MRC1: variants seen among roughly 807,000 people sequenced by gnomAD.
MRC1 encodes macrophage mannose receptor 1.
In MRC1, 62 loss-of-function variants were observed where a neutral mutation model predicts 102.9. The ratio of observed to expected loss-of-function variants is 0.60; its 90% confidence interval spans 0.49 to 0.74. MRC1 has a LOEUF of 0.74. Ranked by LOEUF, MRC1 falls within the 30% of genes least tolerant of loss-of-function variation. The probability of loss-of-function intolerance (pLI) is 0.00; values close to 1 mark genes in which losing one functional copy is unlikely to be tolerated. For missense variants in MRC1, 1,237 were observed against 862.8 expected (o/e 1.43, Z -5.43); for synonymous variants, 457 against 298.4 (o/e 1.53, Z -5.48).
rs1328547400 is a variant in MRC1, at chr10:17,827,642, G to A, written c.564G>A (p.Ser188=). ...WYADCTSAGR[S]DGWLWCGTTT... is the part of the protein sequence containing the mutation. ...CAGATTGCACGAGTGCTGGGCGGTCGGATGGATGGCTCTGGTGCGGAACCA... is the reference window on the plus strand; with the variant it reads ...CAGATTGCACGAGTGCTGGGCGGTCAGATGGATGGCTCTGGTGCGGAACCA... The change falls in exon 3 of 30, where the codon TCG becomes TCA. Residue 188 remains serine (S), a synonymous_variant. Coordinates refer to ENST00000569591, the MANE Select transcript of MRC1 (RefSeq NM_002438.4). 5.1e-5 allele frequency: 40 copies of A among 780,786 alleles called. No homozygotes were observed. The East Asian group carries it at 6.1e-4, about 12-fold the overall frequency. 48.4% of individuals were successfully genotyped at this position (780,786 alleles called of 1,614,324 possible).
At chr10:17,887,324 G>T (rs1833612279) in intron 22 of MRC1, among the ~76,000 whole-genome samples, 1 of 152,178 alleles carries the variant, frequency 6.6e-6, no homozygotes, top group East Asian at 1.9e-4. Context: ...CCCGGAGGCG[G>T]AGCTTGTAGT....
chr10:17,900,571 T>G (rs1273600801), intron 24 of MRC1, among the ~76,000 whole-genome samples: 2 of 152,192 alleles, frequency 1.3e-5, no homozygotes, highest in African/African-American at 4.8e-5. Context: ...AAGGATGTAT[T>G]CCTGGGGATC....
At chr10:17,831,997 C>T (rs1838581358) in intron 3 of MRC1, among the ~76,000 whole-genome samples, 1 of 151,620 alleles carries the variant, frequency 6.6e-6, no homozygotes, top group Admixed American at 6.5e-5. Flanking sequence ...TATTGCTAAG[C>T]GCTCCACCTG....
intron 21 of MRC1, among the ~76,000 whole-genome samples, chr10:17,882,504 C>G (rs1475510711): frequency 6.6e-6 from 1 of 152,078 alleles, no homozygotes; most frequent in Non-Finnish European, 1.5e-5. Context: ...TGTAAGCTCT[C>G]TTTTGGTTCA....
chr10:17,818,476 T>A (rs929642793), intron 1 of MRC1, among the ~76,000 whole-genome samples: 1 of 152,012 alleles, frequency 6.6e-6, no homozygotes, highest in Non-Finnish European at 1.5e-5. Flanking sequence ...ATATGGTAAA[T>A]AAAAGAATAA....
At chr10:17,840,833 T>A in intron 5 of MRC1, 27 bp downstream of exon 5, 1 of 780,798 alleles carries the variant, frequency 1.3e-6, no homozygotes, top group South Asian at 1.3e-5. Flanking sequence ...TTGTGTCGAA[T>A]TAATCCAAAT....
intron 4 of MRC1, among the ~76,000 whole-genome samples, chr10:17,838,497 C>A (rs1229090775): frequency 1.3e-5 from 2 of 151,526 alleles, no homozygotes; most frequent in African/African-American, 4.9e-5. Context: ...TGGCTTGTTT[C>A]CCCGATGGTT....
Position 17,870,372 on chromosome 10 carries a change from A to T in MRC1, c.2110A>T (p.Thr704Ser). 2 of 780,326 alleles carry T rather than the reference A, an allele frequency of 2.6e-6. No individual in the cohort carries two copies. Among genetic ancestry groups the T allele is most frequent in the Non-Finnish European group, 4.8e-6 (2 of 417,624 alleles). 48.3% of individuals were successfully genotyped at this position (780,326 alleles called of 1,614,324 possible). ...EEQQTIWRLITASGSYHKLFW... is the reference protein window; with the variant it reads ...EEQQTIWRLISASGSYHKLFW... ...ACAGCAAACAATATGGCGATTAATAACGTAAGTGGTATTTTTATGGATTCC... is the reference window on the plus strand; with the variant it reads ...ACAGCAAACAATATGGCGATTAATATCGTAAGTGGTATTTTTATGGATTCC... Residue 704 changes from threonine to serine, a missense_variant and splice_region_variant, in exon 13 of 30, where the codon ACA (threonine) becomes TCA (serine). Coordinates refer to ENST00000569591, the MANE Select transcript of MRC1 (RefSeq NM_002438.4).
At chr10:17,907,163 T>G (rs1833906214) in intron 27 of MRC1, among the ~76,000 whole-genome samples, 164 bp downstream of exon 27, 1 of 152,238 alleles carries the variant, frequency 6.6e-6, no homozygotes. Flanking sequence ...AAAATGAGTT[T>G]CATATCATGC....
chr10:17,824,168 GTTCT>G (rs1315364369), intron 2 of MRC1, among the ~76,000 whole-genome samples: 8 of 152,168 alleles, frequency 5.3e-5, no homozygotes, highest in African/African-American at 1.9e-4. Flanking sequence ...AGAGTATTTA[GTTCT>G]TTCTTATATT....
intron 5 of MRC1, among the ~76,000 whole-genome samples, chr10:17,844,547 G>T (rs1838797923): frequency 6.6e-6 from 1 of 152,114 alleles, no homozygotes; most frequent in Non-Finnish European, 1.5e-5. Flanking sequence ...GGCAGGTTTG[G>T]AACATCATGT....
At chr10:17,847,926 CT>C (rs5783563) in intron 6 of MRC1, among the ~76,000 whole-genome samples, 10 of 147,366 alleles carry the variant, frequency 6.8e-5, no homozygotes, top group Non-Finnish European at 7.5e-5. Flanking sequence ...TCTTTTTCTT[CT>C]TTTTTTTTTT....
Position 17,809,374 on chromosome 10 carries a change from T to G in MRC1, c.-92T>G. 1 of 831,066 alleles carries G rather than the reference T, an allele frequency of 1.2e-6. No homozygotes were observed. Among genetic ancestry groups the G allele is most frequent in the Non-Finnish European group, 2.2e-6 (1 of 464,564 alleles). 51.5% of individuals were successfully genotyped at this position (831,066 alleles called of 1,614,324 possible). A position where few individuals can be genotyped will look rare whatever the true frequency, so the allele number is the denominator to read the frequency against. ...AGCTGGGCAGCTCTGGGAACTTGGA[T>G]TAGGTGGAGAGGCAGTTGGGGGGCC... is the stretch of plus-strand genomic sequence containing the variant. On this transcript the variant is annotated 5_prime_UTR_variant, in exon 1 of 30. Coordinates refer to ENST00000569591, the MANE Select transcript of MRC1 (RefSeq NM_002438.4).
chr10:17,848,101 A>G (rs1838853859), intron 6 of MRC1, among the ~76,000 whole-genome samples: 1 of 152,118 alleles, frequency 6.6e-6, no homozygotes, highest in Non-Finnish European at 1.5e-5. Context: ...GATGTTTCAG[A>G]TACTCTCCAC....
chr10:17,857,485 A>G (rs1408882887), intron 9 of MRC1, among the ~76,000 whole-genome samples: 1 of 152,184 alleles, frequency 6.6e-6, no homozygotes, highest in Non-Finnish European at 1.5e-5. Flanking sequence ...AATCTTGATA[A>G]TAATCCTGTT....
At chr10:17,894,406 T>TTTC (rs1833725402) in intron 23 of MRC1, 94 bp downstream of exon 23, 15 of 688,988 alleles carry the variant, frequency 2.2e-5, no homozygotes, top group Middle Eastern at 3.9e-4. Context: ...TTTTTTTTTT[T>TTTC]TTTTTTTTTT....
intron 1 of MRC1, among the ~76,000 whole-genome samples, chr10:17,815,201 A>C (rs951777136): frequency 2.2e-4 from 33 of 152,248 alleles, no homozygotes; most frequent in Middle Eastern, 3.4e-3. Context: ...ACAGATGGGG[A>C]AGTGGAAGCA....
intron 3 of MRC1, among the ~76,000 whole-genome samples, chr10:17,831,647 T>A (rs989918628): frequency 2.0e-5 from 3 of 151,618 alleles, no homozygotes; most frequent in Non-Finnish European, 4.4e-5. Context: ...TGAGTATTTC[T>A]CAGAACATTT....
chr10:17,858,988 G>A (rs959817484), intron 9 of MRC1, among the ~76,000 whole-genome samples: 2,919 of 152,046 alleles, frequency 0.019, 88 homozygotes, highest in African/African-American at 0.067. Context: ...ACCTCTTTTC[G>A]TATCTTCATC....
Sources: gnomAD v4.1 joint callset for allele counts (sites outside exome capture counted in the v4.1 genomes callset) on GRCh38, gnomAD v4.1.1 for gene constraint, MANE v1.5 for transcripts, NCBI Gene and HGNC (gene_info 2026-07-23, HGNC 2026-07-21) for gene names.